Variants in RNPEP observed in about 807,000 individuals in gnomAD.
RNPEP encodes the protein arginyl aminopeptidase.
Under a neutral mutation model 70.1 loss-of-function variants are expected in RNPEP, and 57 were observed. The ratio of observed to expected loss-of-function variants is 0.81; its 90% confidence interval spans 0.66 to 1.01. The LOEUF (loss-of-function observed/expected upper bound fraction) is 1.01. RNPEP is among the 50% of genes least tolerant of loss of function. The pLI is 0.00. For synonymous variants in RNPEP, 335 were observed against 357.4 expected (o/e 0.94, Z 0.71); for missense variants, 787 against 852.4 (o/e 0.92, Z 0.96).
Position 201,988,976 on chromosome 1 carries a change from C to G in RNPEP, c.520C>G (p.Leu174Val), listed in dbSNP as rs144848390. The G allele has an allele frequency of 6.2e-7, 1 of 1,614,018 alleles. No homozygotes were observed. The highest frequency in any genetic ancestry group is 8.5e-7 in the Non-Finnish European group (1 of 1,180,028). ...PFVYTQGQAVLNRAFFPCFDT... is the reference protein window; with the variant it reads ...PFVYTQGQAVVNRAFFPCFDT... The stretch of plus-strand genomic sequence containing the variant: ...CGTGTACACCCAGGGCCAGGCTGTC[C>G]TAAACCGGGCCTTCTTCCCTTGCTT... The change falls in exon 2 of 11, where the codon CTA becomes GTA. Residue 174 changes from leucine to valine, a missense_variant. Coordinates refer to ENST00000295640, the MANE Select transcript of RNPEP (RefSeq NM_020216.4).
chr1:202,004,070 A>T (rs1388387336), intron 9 of RNPEP, among the ~76,000 whole-genome samples: 1 of 152,174 alleles, frequency 6.6e-6, no homozygotes, highest in Non-Finnish European at 1.5e-5. Context: ...ACCAGGCTGG[A>T]GTGCCGTGGT....
rs369094173 is a variant in RNPEP, at chr1:201,989,054, C to T, written c.588+10C>T. The T allele has an allele frequency of 1.5e-5, 24 of 1,611,592 alleles. No homozygotes were observed. The highest frequency in any genetic ancestry group is 1.9e-5 in the Non-Finnish European group (22 of 1,179,064). On this transcript the variant is annotated intron_variant, in intron 2 of 10. Transcript: ENST00000295640. Reference sequence around the variant, plus strand: ...TTCAGCTCTTATTGAGGTAAGGAGACTAAGGTTAGGTGCACCTGCCCTTGG... The same window carrying T: ...TTCAGCTCTTATTGAGGTAAGGAGATTAAGGTTAGGTGCACCTGCCCTTGG...
At chr1:201,983,335 T>G in intron 1 of RNPEP, 1 of 1,466,970 alleles carries the variant, frequency 6.8e-7, no homozygotes, top group Non-Finnish European at 9.0e-7. Flanking sequence ...CTCCAGCCAC[T>G]GGGCGGTGCA....
At chr1:201,983,568 G>C (rs1222263002) in intron 1 of RNPEP, 2 of 1,305,248 alleles carry the variant, frequency 1.5e-6, no homozygotes, top group Non-Finnish European at 2.0e-6. Context: ...TCTAGAATTA[G>C]CCAGATGTTG....
chr1:201,988,540 C>G (rs1049629669), intron 1 of RNPEP, among the ~76,000 whole-genome samples: 6 of 151,024 alleles, frequency 4.0e-5, no homozygotes, highest in African/African-American at 1.5e-4. Context: ...ATCACAAGTC[C>G]AAATGCAGTT....
chr1:201,985,775 C>T (rs1392036356), intron 1 of RNPEP, among the ~76,000 whole-genome samples: 1 of 152,092 alleles, frequency 6.6e-6, no homozygotes, highest in Non-Finnish European at 1.5e-5. Context: ...TACTGGAGTC[C>T]ATAGTTTTTT....
At position 202,005,652 on chromosome 1, in the gene RNPEP, C is replaced by T; in HGVS notation, c.1889C>T (p.Ala630Val). The T allele has an allele frequency of 1.9e-6, 3 of 1,614,232 alleles. No homozygotes were observed. The highest frequency in any genetic ancestry group is 2.5e-6 in the Non-Finnish European group (3 of 1,180,034). Reference protein sequence around the residue: ...TLAKETFASTASQLHSNVVNY... With the variant: ...TLAKETFASTVSQLHSNVVNY... ...GCCAAGGAGACTTTTGCATCCACCG[C>T]CTCCCAGCTCCACAGCAATGTTGTC... The change falls in exon 11 of 11, where the codon GCC becomes GTC. Residue 630 changes from alanine to valine, a missense_variant. Physicochemically the swap from Ala to Val is moderately conservative, Grantham distance 64 (BLOSUM62 0). Transcript: ENST00000295640.
In RNPEP at chr1:201,982,807, C is replaced by G; in HGVS notation, c.141C>G (p.Phe47Leu). Reference sequence around the variant, plus strand: ...TGCACCTGGACCTGCGGGCTGAGTTCGGGCCTCCAGGGCCCGGCGCAGGGA... The same window carrying G: ...TGCACCTGGACCTGCGGGCTGAGTTGGGGCCTCCAGGGCCCGGCGCAGGGA... ...LHLHLDLRAE[F>L]GPPGPGAGSR... Residue 47 changes from phenylalanine to leucine, a missense_variant, in exon 1 of 11, where the codon TTC becomes TTG. By Grantham distance (22) the Phe-to-Leu change is conservative. Transcript: ENST00000295640. 7.5e-7 allele frequency: 1 copy of G among 1,337,392 alleles called. No homozygotes were observed. Among genetic ancestry groups the G allele is most frequent in the Non-Finnish European group, 9.6e-7 (1 of 1,043,760 alleles). The allele number at this position is 1,337,392 out of a possible 1,614,324, so 82.8% of individuals were successfully genotyped here. A position where few individuals can be genotyped will look rare whatever the true frequency, so the allele number is the denominator to read the frequency against.
Position 202,005,863 on chromosome 1 carries a change from T to C in RNPEP, c.*147T>C, listed in dbSNP as rs1684044190. 1.0e-6 allele frequency: 1 copy of C among 955,316 alleles called. No homozygotes were observed. Among genetic ancestry groups the C allele is most frequent in the Admixed American group, 2.5e-5 (1 of 39,762 alleles). The allele number at this position is 955,316 out of a possible 1,614,324, so 59.2% of individuals were successfully genotyped here. A position where few individuals can be genotyped will look rare whatever the true frequency, so the allele number is the denominator to read the frequency against. On this transcript the variant is annotated 3_prime_UTR_variant, in exon 11 of 11. Transcript: ENST00000295640. Reference sequence around the variant, plus strand: ...TCTCTAGCTTAGGTATCTGTGACTCTTGGGCCTCTGCTCTGGTGGGAACTT... The same window carrying C: ...TCTCTAGCTTAGGTATCTGTGACTCCTGGGCCTCTGCTCTGGTGGGAACTT...
At chr1:201,989,341 ACT>A in intron 2 of RNPEP, 40 bp from the exon 3 acceptor site, 3 of 1,603,176 alleles carry the variant, frequency 1.9e-6, no homozygotes, top group East Asian at 2.2e-5. Context: ...TCAAAAGGAA[ACT>A]CTCTCCAGGT....
rs1251612917 is a variant in RNPEP, at chr1:201,983,060, G to A, written c.394G>A (p.Ala132Thr). 9.9e-6 allele frequency: 15 copies of A among 1,522,648 alleles called. No individual in the cohort carries two copies. The highest frequency in any genetic ancestry group is 1.4e-5 in the African/African-American group (1 of 69,864). The allele number at this position is 1,522,648 out of a possible 1,614,324, so 94.3% of individuals were successfully genotyped here. A position where few individuals can be genotyped will look rare whatever the true frequency, so the allele number is the denominator to read the frequency against. Residue 132 changes from alanine to threonine, a missense_variant, in exon 1 of 11, where the codon GCC becomes ACC. Transcript: ENST00000295640. ...CGTGTCCTTCCCGCAGCCCTGCCGC[G>A]CCGCCGAGCGCCTCCAGGTGCTGCT... is the stretch of plus-strand genomic sequence containing the variant. ...LCVSFPQPCRAAERLQVLLTY... is the reference protein window; with the variant it reads ...LCVSFPQPCRTAERLQVLLTY...
At chr1:201,983,137 C>T (rs745965840) in intron 1 of RNPEP, 24 bp downstream of exon 1, 3 of 1,440,730 alleles carry the variant, frequency 2.1e-6, no homozygotes, top group Admixed American at 2.9e-5. Context: ...AGACTGCGCC[C>T]GCCGCTGCCT....
chr1:201,992,275 C>G (rs1487352089), intron 3 of RNPEP, among the ~76,000 whole-genome samples: 1 of 152,102 alleles, frequency 6.6e-6, no homozygotes, highest in African/African-American at 2.4e-5. Flanking sequence ...TCAAGAGATC[C>G]TCCCACCTCG....
intron 3 of RNPEP, among the ~76,000 whole-genome samples, chr1:201,990,771 C>T (rs1360843973): frequency 1.3e-5 from 2 of 152,206 alleles, no homozygotes; most frequent in East Asian, 1.9e-4. Context: ...CCTCCTCTTA[C>T]GAAGGGCTGT....
In RNPEP at chr1:201,988,921, C is replaced by T. The variant is rs146304401; in HGVS notation, c.465C>T (p.Pro155=). 6.2e-4 allele frequency: 1,005 copies of T among 1,611,778 alleles called. 1 individual carries two copies. Among genetic ancestry groups the T allele is most frequent in the Middle Eastern group, 2.1e-3 (12 of 5,738 alleles). Residue 155 remains proline (P), a synonymous_variant, in exon 2 of 11, where the codon CCC becomes CCT. Transcript: ENST00000295640. ...GEGPGVCWLA[P]EQTAGKKKPF... ...TCGCTTAGGTTTGCTGGTTGGCTCC[C>T]GAGCAGACAGCAGGAAAGAAGAAGC...
chr1:201,993,714 G>A (rs1288902240), intron 3 of RNPEP, among the ~76,000 whole-genome samples: 1 of 152,250 alleles, frequency 6.6e-6, no homozygotes, highest in East Asian at 1.9e-4. Context: ...GGGAGGTGGA[G>A]CTTGCAGTGA....
intron 3 of RNPEP, among the ~76,000 whole-genome samples, chr1:201,991,721 T>C (rs1683341801): frequency 6.6e-6 from 1 of 152,178 alleles, no homozygotes; most frequent in African/African-American, 2.4e-5. Context: ...GGTAGTGAGA[T>C]TGCAGCTTGA....
chr1:201,996,465 TTGTGTGTGTGTGTGTG>T lies in RNPEP; in HGVS notation c.854+230_854+245del, dbSNP rs71281164. On this transcript the variant is annotated intron_variant, in intron 4 of 10. Transcript: ENST00000295640. ...GAGAGGGCCTAGGAGATGAGGTTCTTTGTGTGTGTGTGTGTGTGTGTGTGTGTGTGTGTGTGTGTGT... is the reference window on the plus strand; with the variant it reads ...GAGAGGGCCTAGGAGATGAGGTTCTTTGTGTGTGTGTGTGTGTGTGTGTGT... 3.0e-3 allele frequency: 691 copies of T among 233,028 alleles called. 8 individuals carry two copies. Among genetic ancestry groups the T allele is most frequent in the African/African-American group, 0.013 (529 of 41,026 alleles). The allele number at this position is 233,028 out of a possible 1,614,324, so 14.4% of individuals were successfully genotyped here.
chr1:201,997,820 A>G lies in RNPEP; in HGVS notation c.1090+266A>G, dbSNP rs564924723. 2.1e-3 allele frequency among the ~76,000 whole-genome samples: 307 copies of G among 147,468 alleles called. 1 individual carries two copies. Among genetic ancestry groups the G allele is most frequent in the Middle Eastern group, 0.011 (3 of 272 alleles). On this transcript the variant is annotated intron_variant, in intron 5 of 10. Coordinates refer to ENST00000295640, the MANE Select transcript of RNPEP (RefSeq NM_020216.4). ...CTCTTGTTGCCCAGGCTGGAGTGCA[A>G]TGGCACGATCTCGGCTCACTGCAAC...
Sources: gnomAD v4.1 joint callset for allele counts (sites outside exome capture counted in the v4.1 genomes callset) on GRCh38, gnomAD v4.1.1 for gene constraint, MANE v1.5 for transcripts, NCBI Gene and HGNC (gene_info 2026-07-23, HGNC 2026-07-21) for gene names.